The following ITGB3 variants were observed in gnomAD, a reference collection of about 807,000 sequenced individuals.
ITGB3 encodes the protein integrin beta-3.
In ITGB3, 48 loss-of-function variants were observed where a neutral mutation model predicts 85.8. The ratio of observed to expected loss-of-function variants is 0.56; its 90% confidence interval spans 0.44 to 0.71. The LOEUF is 0.71. Ranked by LOEUF, ITGB3 falls within the 30% of genes least tolerant of loss-of-function variation. The pLI, the probability that ITGB3 is intolerant of heterozygous loss-of-function variation, is 0.00. For missense variants in ITGB3, 861 were observed against 1,019.1 expected, an observed-to-expected ratio of 0.84 and a Z score of 2.11; for synonymous variants, 363 against 395.6, an observed-to-expected ratio of 0.92 and a Z score of 0.98.
At chr17:47,288,312 T>C (rs772699303) in intron 6 of ITGB3, among the ~76,000 whole-genome samples, 1 of 152,122 alleles carries the variant, frequency 6.6e-6, no homozygotes, top group Non-Finnish European at 1.5e-5. Context: ...CAGAGTCATT[T>C]AGCTTGAAAG....
At chr17:47,255,107 T>C (rs2064984103) in intron 1 of ITGB3, among the ~76,000 whole-genome samples, 1 of 151,670 alleles carries the variant, frequency 6.6e-6, no homozygotes, top group Non-Finnish European at 1.5e-5. Flanking sequence ...GCCTCCCGAG[T>C]AGCTGGGATT....
chr17:47,298,766 C>T (rs2065155196), intron 10 of ITGB3, among the ~76,000 whole-genome samples: 1 of 152,178 alleles, frequency 6.6e-6, no homozygotes, highest in Non-Finnish European at 1.5e-5. Flanking sequence ...TAGTAGGCCT[C>T]TCAGGTCAGG....
At chr17:47,296,012 T>A (rs955843983) in intron 10 of ITGB3, among the ~76,000 whole-genome samples, 5 of 152,236 alleles carry the variant, frequency 3.3e-5, no homozygotes, top group Non-Finnish European at 7.3e-5. Flanking sequence ...CTGGAGGGCA[T>A]CTGGCTGAGA....
intron 1 of ITGB3, among the ~76,000 whole-genome samples, chr17:47,258,169 TG>T (rs2064996833): frequency 6.6e-6 from 1 of 152,214 alleles, no homozygotes; most frequent in Non-Finnish European, 1.5e-5. Flanking sequence ...CCCTCTCTGC[TG>T]CCCACAGAGT....
At chr17:47,300,414 T>G (rs1483993211) in intron 11 of ITGB3, 64 bp from the exon 12 acceptor site, 1 of 1,144,094 alleles carries the variant, frequency 8.7e-7, no homozygotes, top group East Asian at 2.3e-5. Flanking sequence ...AGATCAGAGC[T>G]GGACTGGGAT....
intron 13 of ITGB3, chr17:47,305,639 G>A (rs967416598): frequency 6.6e-6 from 1 of 152,164 alleles, no homozygotes; most frequent in Non-Finnish European, 1.5e-5. Context: ...TTTCAATAGG[G>A]TTATGATTTT....
At chr17:47,254,365 G>A (rs758724590) in intron 1 of ITGB3, among the ~76,000 whole-genome samples, 6 of 152,174 alleles carry the variant, frequency 3.9e-5, no homozygotes, top group African/African-American at 1.4e-4. Flanking sequence ...GAGGGATGCC[G>A]CTGTAGCTTC....
intron 2 of ITGB3, among the ~76,000 whole-genome samples, chr17:47,280,609 G>A (rs969283970): frequency 8.5e-5 from 13 of 152,138 alleles, no homozygotes; most frequent in Non-Finnish European, 1.5e-4. Flanking sequence ...CACCCGTGTC[G>A]GCCTCCCACA....
intron 6 of ITGB3, among the ~76,000 whole-genome samples, chr17:47,287,911 C>CTTTTTTTTTT (rs60463106): frequency 5.4e-5 from 3 of 55,390 alleles, no homozygotes; most frequent in Non-Finnish European, 9.5e-5. Flanking sequence ...ACCACCCCTG[C>CTTTTTTTTTT]TTTTTTTTTT....
intron 12 of ITGB3, 33 bp from the exon 13 acceptor site, chr17:47,302,688 C>G: frequency 6.2e-7 from 1 of 1,613,698 alleles, no homozygotes; most frequent in Non-Finnish European, 8.5e-7. Context: ...GTAGTTGTCT[C>G]ACTTTTTATT....
chr17:47,279,287 T>C (rs886514325), intron 2 of ITGB3, among the ~76,000 whole-genome samples: 2 of 152,178 alleles, frequency 1.3e-5, no homozygotes, highest in Non-Finnish European at 2.9e-5. Context: ...CCCTGGGAAC[T>C]GAAACTTTAA....
intron 1 of ITGB3, among the ~76,000 whole-genome samples, chr17:47,256,573 G>A (rs1286114708): frequency 1.3e-5 from 2 of 152,106 alleles, no homozygotes; most frequent in African/African-American, 4.8e-5. Flanking sequence ...GCAGATGGTG[G>A]GATGAGAGTA....
rs147782061 is a variant in ITGB3 at position 47,283,544 on chromosome 17, G to A, written c.356G>A (p.Arg119Gln). ...CCCCAGAGGATTGCACTCCGGCTCCGGCCAGGTAGGGCTGGGACTCTTTGC... is the reference window on the plus strand; with the variant it reads ...CCCCAGAGGATTGCACTCCGGCTCCAGCCAGGTAGGGCTGGGACTCTTTGC... Reference protein sequence around the residue: ...VSPQRIALRLRPDDSKNFSIQ... With the variant: ...VSPQRIALRLQPDDSKNFSIQ... The change falls in exon 3 of 15, where the codon CGG (arginine) becomes CAG (glutamine). Residue 119 changes from arginine to glutamine, a missense_variant. Arg to Gln is a conservative substitution (Grantham distance 43). Transcript: ENST00000559488. 2.0e-5 allele frequency: 32 copies of A among 1,614,032 alleles called. No individual in the cohort carries two copies. The highest frequency in any genetic ancestry group is 1.5e-4 in the African/African-American group (11 of 74,914).
chr17:47,292,360 A>C lies in ITGB3; in HGVS notation c.1482A>C (p.Gly494=), dbSNP rs1312151466. The C allele has an allele frequency of 1.2e-6, 2 of 1,614,022 alleles. No homozygotes were observed. The highest frequency in any genetic ancestry group is 4.5e-5 in the East Asian group (2 of 44,892). The part of the protein sequence containing the change: ...GVCRCGPGWL[G]SQCECSEEDY... ...GCCGTTGTGGGCCTGGCTGGCTGGG[A>C]TCCCAGTGTGAGTGCTCAGAGGAGG... Residue 494 remains glycine (G), a synonymous_variant, in exon 10 of 15, where the codon GGA becomes GGC. Coordinates refer to ENST00000559488, the MANE Select transcript of ITGB3 (RefSeq NM_000212.3).
At chr17:47,266,289 T>C (rs1174979637) in intron 1 of ITGB3, among the ~76,000 whole-genome samples, 1 of 152,208 alleles carries the variant, frequency 6.6e-6, no homozygotes, top group Non-Finnish European at 1.5e-5. Flanking sequence ...AAACACCTCT[T>C]ACTGTGACTT....
At chr17:47,304,437 C>G (rs1199834425) in intron 13 of ITGB3, among the ~76,000 whole-genome samples, 1 of 152,216 alleles carries the variant, frequency 6.6e-6, no homozygotes, top group Non-Finnish European at 1.5e-5. Context: ...GGAATTTAAC[C>G]ACATGGAATG....
At chr17:47,310,042 G>C (rs1004429108) in intron 14 of ITGB3, 97 bp from the exon 15 acceptor site, 182 of 987,976 alleles carry the variant, frequency 1.8e-4, no homozygotes, top group Admixed American at 6.8e-4. Context: ...TCCAGAGAAC[G>C]GTGCCTTGGG....
Position 47,285,944 on chromosome 17 carries a change from C to A in ITGB3, c.615-316C>A, listed in dbSNP as rs77089224. Among the ~76,000 whole-genome samples, 6,867 of 152,188 alleles carry A rather than the reference C, an allele frequency of 0.045. 225 individuals carry two copies. Among genetic ancestry groups the A allele is most frequent in the Non-Finnish European group, 0.072 (4,888 of 67,998 alleles). On this transcript the variant is annotated intron_variant, in intron 4 of 14. Transcript: ENST00000559488. ...CTTATGGGATATGTGCTATCCTGGC[C>A]CCTCTTTCATAGGTTGGATTGAGAG...
At chr17:47,303,698 C>T (rs2065176022) in intron 13 of ITGB3, 1 of 152,232 alleles carries the variant, frequency 6.6e-6, no homozygotes, top group Non-Finnish European at 1.5e-5. Flanking sequence ...TCCATCCCAT[C>T]ATACACAGAC....
Sources: gnomAD v4.1 joint callset for allele counts (sites outside exome capture counted in the v4.1 genomes callset) on GRCh38, gnomAD v4.1.1 for gene constraint, MANE v1.5 for transcripts, NCBI Gene and HGNC (gene_info 2026-07-23, HGNC 2026-07-21) for gene names.